SGIP1: variants seen among roughly 807,000 people sequenced by gnomAD.
SGIP1 encodes SH3GL interacting endocytic adaptor 1.
Under a neutral mutation model 107.5 loss-of-function variants are expected in SGIP1, and 38 were observed. That is an observed-to-expected ratio of 0.35 (90% CI 0.27 to 0.46). The LOEUF (loss-of-function observed/expected upper bound fraction) is 0.46, where lower values mean the gene tolerates loss of function less well. SGIP1 is among the 20% of genes least tolerant of loss of function. SGIP1 has a pLI of 1.00. For synonymous variants in SGIP1, 365 were observed against 366.1 expected, an observed-to-expected ratio of 1.00 and a Z score of 0.03; for missense variants, 929 against 1,019.5, an observed-to-expected ratio of 0.91 and a Z score of 1.21.
At chr1:66,584,254 G>A (rs930172585) in intron 1 of SGIP1, among the ~76,000 whole-genome samples, 1 of 152,028 alleles carries the variant, frequency 6.6e-6, no homozygotes, top group African/African-American at 2.4e-5. Flanking sequence ...TAAGCTGAAT[G>A]TTAGTAAGCA....
chr1:66,589,516 A>AT (rs1353869617), intron 1 of SGIP1, among the ~76,000 whole-genome samples: 3 of 151,958 alleles, frequency 2.0e-5, no homozygotes, highest in Non-Finnish European at 4.4e-5. Context: ...AGAAGAATGG[A>AT]TTTTCCCAGG....
At chr1:66,708,060 A>C (rs2092647963) in intron 18 of SGIP1, among the ~76,000 whole-genome samples, 1 of 152,110 alleles carries the variant, frequency 6.6e-6, no homozygotes, top group African/African-American at 2.4e-5. Flanking sequence ...ACAACTTCCT[A>C]GGATGTAGGG....
intron 18 of SGIP1, among the ~76,000 whole-genome samples, chr1:66,701,747 C>G (rs772099199): frequency 6.6e-6 from 1 of 152,208 alleles, no homozygotes; most frequent in Non-Finnish European, 1.5e-5. Context: ...CTCTTTGAGA[C>G]AGTTGTCCTG....
rs1287822876 is a variant in SGIP1 at position 66,749,774 on chromosome 1, C to T, written c.*6679C>T. Reference sequence around the variant, plus strand: ...AATTTTTTTTCTCGCAAAGTAAATGCTTGATGTTATTCATTCACCATCACT... The same window carrying T: ...AATTTTTTTTCTCGCAAAGTAAATGTTTGATGTTATTCATTCACCATCACT... On this transcript the variant is annotated 3_prime_UTR_variant, in exon 25 of 25. Transcript: ENST00000371037. 6.6e-6 allele frequency among the ~76,000 whole-genome samples: 1 copy of T among 151,988 alleles called. No individual in the cohort carries two copies. The highest frequency in any genetic ancestry group is 2.4e-5 in the African/African-American group (1 of 41,398).
chr1:66,690,061 T>C lies in SGIP1; in HGVS notation c.1444-129T>C, dbSNP rs2089483813. The C allele has an allele frequency of 5.7e-6, 6 of 1,052,834 alleles. No homozygotes were observed. The South Asian group carries it at 7.7e-5, about 14-fold the overall frequency. 65.2% of individuals were successfully genotyped at this position (1,052,834 alleles called of 1,614,324 possible). A position where few individuals can be genotyped will look rare whatever the true frequency, so the allele number is the denominator to read the frequency against. On this transcript the variant is annotated intron_variant, in intron 16 of 24. Transcript: ENST00000371037. ...CATATAGATAGAATTAATTTCAGTG[T>C]AAAAATGGTGTCATCTATTCTTCAG...
In SGIP1 at chr1:66,745,221, T is replaced by C. The variant is rs187696277; in HGVS notation, c.*2126T>C. ...ATTTTTAAAAATTTAATTAAAAACA[T>C]AGATTACAGTAATCTCTAACATTAT... is the stretch of plus-strand genomic sequence containing the variant. On this transcript the variant is annotated 3_prime_UTR_variant, in exon 25 of 25. Transcript: ENST00000371037. 3 of 152,146 alleles carry C rather than the reference T, an allele frequency of 2.0e-5. No individual in the cohort carries two copies. Among genetic ancestry groups the C allele is most frequent in the Non-Finnish European group, 2.9e-5 (2 of 67,888 alleles). The allele number at this position is 152,146 out of a possible 1,614,324, so 9.4% of individuals were successfully genotyped here.
chr1:66,597,703 G>A (rs1487380026), intron 1 of SGIP1, among the ~76,000 whole-genome samples: 7 of 152,068 alleles, frequency 4.6e-5, no homozygotes, highest in Non-Finnish European at 8.8e-5. Context: ...TGGAACCCCC[G>A]AGTCAGCATT....
chr1:66,555,857 G>A (rs764348676), intron 1 of SGIP1, among the ~76,000 whole-genome samples: 17 of 152,094 alleles, frequency 1.1e-4, no homozygotes, highest in Non-Finnish European at 1.9e-4. Context: ...ACAGTATGAG[G>A]TAAGTGCTAA....
intron 1 of SGIP1, among the ~76,000 whole-genome samples, chr1:66,612,149 G>A (rs546519752): frequency 1.3e-5 from 2 of 152,190 alleles, no homozygotes; most frequent in Non-Finnish European, 2.9e-5. Flanking sequence ...GTGTGCAGAG[G>A]TCACATGGTG....
rs1266015128 is a variant in SGIP1, at chr1:66,694,632, C to T, written c.1571-802C>T. ...AGTGTCCAGTGCCTCTCAGATGCAC[C>T]CTGTATATTTACTGTTCATCATGGA... On this transcript the variant is annotated intron_variant, in intron 17 of 24. Coordinates refer to ENST00000371037, the MANE Select transcript of SGIP1 (RefSeq NM_032291.4). 6 of 617,852 alleles carry T rather than the reference C, an allele frequency of 9.7e-6. No individual in the cohort carries two copies. In the East Asian group the frequency reaches 2.0e-4, roughly 21 times the overall value. The allele number at this position is 617,852 out of a possible 1,614,324, so 38.3% of individuals were successfully genotyped here.
chr1:66,715,993 T>A (rs897041916), intron 18 of SGIP1, among the ~76,000 whole-genome samples: 1 of 152,162 alleles, frequency 6.6e-6, no homozygotes, highest in Non-Finnish European at 1.5e-5. Flanking sequence ...CGGTGCTAAA[T>A]GCTTTGCCTC....
chr1:66,659,805 G>A (rs904026470), intron 7 of SGIP1, among the ~76,000 whole-genome samples: 44 of 151,360 alleles, frequency 2.9e-4, no homozygotes, highest in African/African-American at 1.0e-3. Flanking sequence ...AGCTACATGG[G>A]AGGCTGAGGT....
At position 66,650,783 on chromosome 1, in the gene SGIP1, G is replaced by C. The variant is rs186350407; in HGVS notation, c.459+7064G>C. Among the ~76,000 whole-genome samples, 8 of 152,222 alleles carry C rather than the reference G, an allele frequency of 5.3e-5. No individual in the cohort carries two copies. In the East Asian group the frequency reaches 1.5e-3, roughly 29 times the overall value. On this transcript the variant is annotated intron_variant, in intron 7 of 24. Coordinates refer to ENST00000371037, the MANE Select transcript of SGIP1 (RefSeq NM_032291.4). ...TGATGTGATCTTTTCCTTTTATAAT[G>C]TGCTCCCATGGATTCCTTTATTTTT...
intron 18 of SGIP1, among the ~76,000 whole-genome samples, chr1:66,716,613 T>C (rs540888805): frequency 1.3e-5 from 2 of 152,226 alleles, no homozygotes; most frequent in Admixed American, 1.3e-4. Flanking sequence ...TTGTTTCAAA[T>C]ACTTCAGAGG....
At chr1:66,558,042 T>C (rs900442434) in intron 1 of SGIP1, among the ~76,000 whole-genome samples, 1 of 152,130 alleles carries the variant, frequency 6.6e-6, no homozygotes, top group East Asian at 1.9e-4. Context: ...ACTATCAGTA[T>C]GCCTTCGATG....
At chr1:66,639,502 A>G (rs1164646617) in intron 4 of SGIP1, among the ~76,000 whole-genome samples, 1 of 152,250 alleles carries the variant, frequency 6.6e-6, no homozygotes, top group Non-Finnish European at 1.5e-5. Context: ...CAGTAATTGA[A>G]TAAAATTTGA....
At chr1:66,672,595 T>A (rs1251313209) in intron 11 of SGIP1, among the ~76,000 whole-genome samples, 1 of 152,092 alleles carries the variant, frequency 6.6e-6, no homozygotes, top group African/African-American at 2.4e-5. Flanking sequence ...CACATAGACC[T>A]CACTGGGATC....
At chr1:66,710,449 A>G (rs2092838887) in intron 18 of SGIP1, among the ~76,000 whole-genome samples, 1 of 152,084 alleles carries the variant, frequency 6.6e-6, no homozygotes, top group South Asian at 2.1e-4. Flanking sequence ...ACATAAACTA[A>G]TGAAACTCTT....
intron 1 of SGIP1, among the ~76,000 whole-genome samples, chr1:66,603,109 G>A (rs1351583118): frequency 6.6e-6 from 1 of 152,138 alleles, no homozygotes; most frequent in African/African-American, 2.4e-5. Flanking sequence ...TCCTAAAATA[G>A]ATGATAAATG....
Sources: allele counts gnomAD v4.1 joint callset (sites outside exome capture counted in the v4.1 genomes callset), GRCh38; gene constraint gnomAD v4.1.1; transcripts MANE v1.5; gene names NCBI Gene and HGNC (gene_info 2026-07-23, HGNC 2026-07-21).